CYTH1: variants seen among roughly 807,000 people sequenced by gnomAD.
The protein encoded by CYTH1 is cytohesin-1.
Under a neutral mutation model 61.8 loss-of-function variants are expected in CYTH1, and 18 were observed. The observed-to-expected ratio is 0.29, with a 90% CI of 0.20 to 0.43. The LOEUF (loss-of-function observed/expected upper bound fraction) is 0.43. Among genes scored for constraint, CYTH1 ranks in the 20% least tolerant of loss-of-function variants. The pLI is 1.00. For missense variants in CYTH1, 336 were observed against 510.5 expected (o/e 0.66, Z 3.29); for synonymous variants, 174 against 184.3 (o/e 0.94, Z 0.45).
intron 11 of CYTH1, among the ~76,000 whole-genome samples, chr17:78,681,892 A>C (rs1438949936): frequency 5.9e-5 from 9 of 152,082 alleles, no homozygotes; most frequent in African/African-American, 2.2e-4. Context: ...AGCGAAAAAG[A>C]GTCTTTCAGC....
intron 11 of CYTH1, 104 bp from the exon 12 acceptor site, chr17:78,681,146 G>T: frequency 8.8e-7 from 1 of 1,132,434 alleles, no homozygotes; most frequent in East Asian, 2.4e-5. Context: ...TTTCTCCCAG[G>T]ACATGAAGTT....
chr17:78,768,838 C>T (rs1010315979), intron 1 of CYTH1, among the ~76,000 whole-genome samples: 1 of 152,024 alleles, frequency 6.6e-6, no homozygotes, highest in Admixed American at 6.6e-5. Flanking sequence ...TCCCTTCCCC[C>T]TCTTGGCAAA....
At chr17:78,687,973 G>A (rs931368395) in intron 11 of CYTH1, among the ~76,000 whole-genome samples, 1 of 152,200 alleles carries the variant, frequency 6.6e-6, no homozygotes, top group Non-Finnish European at 1.5e-5. Flanking sequence ...TGTGCTCTGC[G>A]TCCATCTCCT....
intron 1 of CYTH1, among the ~76,000 whole-genome samples, chr17:78,774,969 C>T (rs1012278241): frequency 6.6e-6 from 1 of 152,238 alleles, no homozygotes; most frequent in Non-Finnish European, 1.5e-5. Context: ...CATGGGAAAT[C>T]GGGTTAGAAC....
At chr17:78,733,301 A>G (rs1213946586) in intron 1 of CYTH1, among the ~76,000 whole-genome samples, 1 of 152,156 alleles carries the variant, frequency 6.6e-6, no homozygotes, top group Admixed American at 6.5e-5. Flanking sequence ...AACAAAGCTC[A>G]ACTGTAACTC....
At chr17:78,762,974 T>A (rs1384370021) in intron 1 of CYTH1, among the ~76,000 whole-genome samples, 2 of 152,174 alleles carry the variant, frequency 1.3e-5, no homozygotes, top group Non-Finnish European at 2.9e-5. Flanking sequence ...TTTGTGATAA[T>A]TTGTTATGGC....
intron 1 of CYTH1, among the ~76,000 whole-genome samples, chr17:78,744,083 C>T (rs748196425): frequency 2.0e-5 from 3 of 152,164 alleles, no homozygotes; most frequent in Non-Finnish European, 4.4e-5. Flanking sequence ...GTTAAATATA[C>T]GGGCTTTTTC....
At chr17:78,722,687 A>C (rs1382538778) in intron 1 of CYTH1, among the ~76,000 whole-genome samples, 1 of 152,144 alleles carries the variant, frequency 6.6e-6, no homozygotes, top group African/African-American at 2.4e-5. Context: ...GCCCTTTGTA[A>C]TGCTCTGAAT....
intron 1 of CYTH1, among the ~76,000 whole-genome samples, chr17:78,732,789 A>G (rs2093301338): frequency 6.6e-6 from 1 of 152,234 alleles, no homozygotes; most frequent in East Asian, 1.9e-4. Context: ...CATGGCACGC[A>G]TTAAAACATG....
chr17:78,780,915 G>A (rs2093514471), intron 1 of CYTH1, among the ~76,000 whole-genome samples: 1 of 152,112 alleles, frequency 6.6e-6, no homozygotes, highest in African/African-American at 2.4e-5. Flanking sequence ...CCTGAGGCAG[G>A]AGAATCGCTC....
At position 78,702,542 on chromosome 17, in the gene CYTH1, T is replaced by C. The variant is rs1468751560; in HGVS notation, c.233A>G (p.Lys78Arg). 1.2e-6 allele frequency: 2 copies of C among 1,613,920 alleles called. No individual in the cohort carries two copies. Among genetic ancestry groups the C allele is most frequent in the East Asian group, 2.2e-5 (1 of 44,888 alleles). Reference protein sequence around the residue: ...MGRKKFNMDPKKGIQFLIEND... With the variant: ...MGRKKFNMDPRKGIQFLIEND... ...TCCCGCTTCTTTCTCACTTACCTTT[T>C]TAGGGTCCATATTAAATTTTTTCCT... The change falls in exon 4 of 14, where the codon AAA becomes AGA. Residue 78 changes from lysine to arginine, a missense_variant. Coordinates refer to ENST00000446868, the MANE Select transcript of CYTH1 (RefSeq NM_004762.6).
chr17:78,712,527 G>A (rs1046354619), intron 1 of CYTH1, among the ~76,000 whole-genome samples: 3 of 151,814 alleles, frequency 2.0e-5, no homozygotes, highest in African/African-American at 2.4e-5. Flanking sequence ...ATGGTGGCAG[G>A]TGCCTGTAAT....
intron 13 of CYTH1, among the ~76,000 whole-genome samples, chr17:78,679,066 T>C (rs560960019): frequency 6.6e-6 from 1 of 152,326 alleles, no homozygotes; most frequent in South Asian, 2.1e-4. Flanking sequence ...GTATTTAGCT[T>C]GGGCCAAAAC....
intron 1 of CYTH1, among the ~76,000 whole-genome samples, chr17:78,760,380 T>TACAC (rs1475136048): frequency 1.8e-5 from 1 of 55,106 alleles, no homozygotes; most frequent in Non-Finnish European, 3.6e-5. Context: ...TATATATATA[T>TACAC]ATATACACAC....
At chr17:78,705,276 G>C (rs1193796859) in intron 3 of CYTH1, among the ~76,000 whole-genome samples, 2 of 152,126 alleles carry the variant, frequency 1.3e-5, no homozygotes, top group East Asian at 3.9e-4. Flanking sequence ...GACTGCCTGG[G>C]ACACACACCA....
intron 1 of CYTH1, among the ~76,000 whole-genome samples, chr17:78,766,028 C>A (rs1315808264): frequency 2.2e-5 from 3 of 138,214 alleles, no homozygotes; most frequent in Non-Finnish European, 4.6e-5. Context: ...GTGGGAGGAT[C>A]GTCTGAGCCC....
chr17:78,765,050 G>A (rs2144730741), intron 1 of CYTH1, among the ~76,000 whole-genome samples: 1 of 152,244 alleles, frequency 6.6e-6, no homozygotes, highest in East Asian at 1.9e-4. Context: ...AGGTTATTTG[G>A]AGGAAAAGCA....
At chr17:78,779,995 A>G (rs945880798) in intron 1 of CYTH1, among the ~76,000 whole-genome samples, 2 of 152,270 alleles carry the variant, frequency 1.3e-5, no homozygotes, top group African/African-American at 4.8e-5. Context: ...CTGTATTAAA[A>G]GCAACCAGAC....
chr17:78,728,525 G>T (rs1303568974), intron 1 of CYTH1, among the ~76,000 whole-genome samples: 1 of 151,334 alleles, frequency 6.6e-6, no homozygotes, highest in African/African-American at 2.4e-5. Context: ...TCCAGCCTGG[G>T]TAATGAGAGC....
Sources: allele counts gnomAD v4.1 joint callset (sites outside exome capture counted in the v4.1 genomes callset), GRCh38; gene constraint gnomAD v4.1.1; transcripts MANE v1.5; gene names NCBI Gene and HGNC (gene_info 2026-07-23, HGNC 2026-07-21).